The following PRKAA2 variants were observed in gnomAD, a reference collection of about 807,000 sequenced individuals.
The protein encoded by PRKAA2 is 5'-AMP-activated protein kinase catalytic subunit alpha-2.
A neutral mutation model predicts 56.3 loss-of-function variants in PRKAA2; 40 were observed. The observed-to-expected ratio is 0.71, with a 90% CI of 0.55 to 0.92. The LOEUF is 0.92. PRKAA2 is among the 40% of genes least tolerant of loss of function. The probability of loss-of-function intolerance (pLI) is 0.00; values close to 1 mark genes in which losing one functional copy is unlikely to be tolerated. For missense variants in PRKAA2, 542 were observed against 686.9 expected, an observed-to-expected ratio of 0.79 and a Z score of 2.36; for synonymous variants, 214 against 234.2, an observed-to-expected ratio of 0.91 and a Z score of 0.79.
At position 56,706,523 on chromosome 1, in the gene PRKAA2, G is replaced by A. The variant is rs188893943; in HGVS notation, c.1420+305G>A. On this transcript the variant is annotated intron_variant, in intron 8 of 8. Coordinates refer to ENST00000371244, the MANE Select transcript of PRKAA2 (RefSeq NM_006252.4). The stretch of plus-strand genomic sequence containing the variant: ...CTTTTCAAAATTAACTGACTTGTCA[G>A]ATTCTTTGTCATATTTCTCCATTCA... 1.4e-3 allele frequency among the ~76,000 whole-genome samples: 216 copies of A among 152,344 alleles called. 2 individuals are homozygous for A. The highest frequency in any genetic ancestry group is 5.0e-3 in the South Asian group (24 of 4,830).
In PRKAA2 at chr1:56,649,539, A is replaced by AAGAT. The variant is rs201264150; in HGVS notation, c.94+4077_94+4080dup. Among the ~76,000 whole-genome samples, 305 of 151,874 alleles carry AAGAT rather than the reference A, an allele frequency of 2.0e-3. 1 individual carries two copies. The highest frequency in any genetic ancestry group is 5.7e-3 in the African/African-American group (237 of 41,522). ...TTTGATTGATTGATTGATTGATAGA[A>AAGAT]AGATAGATAGATAGATAGATAGTTA... is the stretch of plus-strand genomic sequence containing the variant. On this transcript the variant is annotated intron_variant, in intron 1 of 8. Transcript: ENST00000371244.
At chr1:56,684,800 A>G (rs1463750640) in intron 2 of PRKAA2, among the ~76,000 whole-genome samples, 1 of 152,164 alleles carries the variant, frequency 6.6e-6, no homozygotes, top group Non-Finnish European at 1.5e-5. Context: ...GGGAGATAGT[A>G]ACTATAGGCA....
Position 56,663,236 on chromosome 1 carries a change from C to T in PRKAA2, c.95-11145C>T, listed in dbSNP as rs1194581389. On this transcript the variant is annotated intron_variant, in intron 1 of 8. Coordinates refer to ENST00000371244, the MANE Select transcript of PRKAA2 (RefSeq NM_006252.4). ...GAGTAGCTGAGACTGTAGGCCTGTG[C>T]CACCACACTTGGGTCATTTTAAACA... Among the ~76,000 whole-genome samples the T allele has an allele frequency of 2.0e-5, 3 of 152,178 alleles. No homozygotes were observed. The East Asian group carries it at 5.8e-4, about 29-fold the overall frequency.
At chr1:56,689,535 T>C (rs984367474) in intron 2 of PRKAA2, among the ~76,000 whole-genome samples, 5 of 151,952 alleles carry the variant, frequency 3.3e-5, no homozygotes, top group African/African-American at 1.2e-4. Flanking sequence ...CTGGCCAACA[T>C]GGTGAAACCC....
At chr1:56,678,644 T>G (rs1258256626) in intron 2 of PRKAA2, among the ~76,000 whole-genome samples, 1 of 152,184 alleles carries the variant, frequency 6.6e-6, no homozygotes, top group Non-Finnish European at 1.5e-5. Context: ...CAACTTGATT[T>G]TACTTGGTCA....
In PRKAA2 at chr1:56,661,713, AAT is replaced by A. The variant is rs1336206760; in HGVS notation, c.95-12663_95-12662del. On this transcript the variant is annotated intron_variant, in intron 1 of 8. Coordinates refer to ENST00000371244, the MANE Select transcript of PRKAA2 (RefSeq NM_006252.4). ...CCATATATATAAATATTATTTTAGA[AAT>A]ATATTTTTTTCTACTGTCACATTTC... Among the ~76,000 whole-genome samples the A allele has an allele frequency of 2.0e-5, 3 of 151,822 alleles. No homozygotes were observed. The South Asian group carries it at 6.2e-4, about 31-fold the overall frequency.
chr1:56,681,947 G>A (rs573464161), intron 2 of PRKAA2, among the ~76,000 whole-genome samples: 1 of 152,254 alleles, frequency 6.6e-6, no homozygotes, highest in East Asian at 1.9e-4. Flanking sequence ...ACCTTGGGCA[G>A]TATGGCCATT....
chr1:56,684,522 A>G (rs12409032), intron 2 of PRKAA2, among the ~76,000 whole-genome samples: 1 of 152,106 alleles, frequency 6.6e-6, no homozygotes, highest in African/African-American at 2.4e-5. Context: ...ATGAGGAGGA[A>G]CCAGTAAAAG....
intron 1 of PRKAA2, among the ~76,000 whole-genome samples, chr1:56,648,029 CAAA>C (rs77883110): frequency 9.3e-6 from 1 of 107,880 alleles, no homozygotes; most frequent in Non-Finnish European, 1.9e-5. Flanking sequence ...GACTCCATCT[CAAA>C]AAAAAAAAAA....
intron 2 of PRKAA2, among the ~76,000 whole-genome samples, chr1:56,689,537 G>A (rs948266820): frequency 6.6e-6 from 1 of 152,012 alleles, no homozygotes; most frequent in East Asian, 1.9e-4. Context: ...GGCCAACATG[G>A]TGAAACCCCC....
chr1:56,696,814 T>C (rs116753245), intron 6 of PRKAA2, among the ~76,000 whole-genome samples: 2,975 of 152,202 alleles, frequency 0.02, 112 homozygotes, highest in African/African-American at 0.068. Context: ...CTGATGCGCC[T>C]ATGAATATGA....
chr1:56,692,115 C>T (rs1288558308), intron 3 of PRKAA2, among the ~76,000 whole-genome samples: 1 of 149,636 alleles, frequency 6.7e-6, no homozygotes, highest in East Asian at 2.0e-4. Context: ...TCACTGCAAC[C>T]TCTGCCTCCT....
chr1:56,703,982 G>A lies in PRKAA2; in HGVS notation c.800G>A (p.Trp267Ter). Residue 267 changes from tryptophan (W) to a stop codon, truncating the protein, a stop_gained, in exon 7 of 9, where the codon TGG becomes TAG. Coordinates refer to ENST00000371244, the MANE Select transcript of PRKAA2 (RefSeq NM_006252.4). LOFTEE classifies it high-confidence loss of function. ...GGTGTTTTTCCTAGAGAGCATGAATGGTTTAAACAAGATTTGCCCAGTTAC... is the reference window on the plus strand; with the variant it reads ...GGTGTTTTTCCTAGAGAGCATGAATAGTTTAAACAAGATTTGCCCAGTTAC... ...ATIKDIREHEWFKQDLPSYLF... is the reference protein window; with the variant it reads ...ATIKDIREHE 6.2e-7 allele frequency: 1 copy of A among 1,605,988 alleles called. No homozygotes were observed. Among genetic ancestry groups the A allele is most frequent in the Non-Finnish European group, 8.5e-7 (1 of 1,176,238 alleles).
intron 1 of PRKAA2, among the ~76,000 whole-genome samples, chr1:56,655,328 T>A (rs1206956087): frequency 7.1e-6 from 1 of 141,434 alleles, no homozygotes; most frequent in African/African-American, 2.6e-5. Flanking sequence ...ATTGTTCAGG[T>A]AGTCTCAAAC....
At chr1:56,701,145 TTTTGAG>T (rs1644290970) in intron 6 of PRKAA2, among the ~76,000 whole-genome samples, 2 of 152,216 alleles carry the variant, frequency 1.3e-5, no homozygotes. Flanking sequence ...ATAATAGATT[TTTTGAG>T]TTTATTTTGA....
intron 6 of PRKAA2, among the ~76,000 whole-genome samples, chr1:56,702,263 A>G (rs1557563058): frequency 6.6e-6 from 1 of 152,050 alleles, no homozygotes; most frequent in African/African-American, 2.4e-5. Context: ...TTGTATTTTT[A>G]GTAGAGACGG....
At chr1:56,666,172 T>C (rs1569731213) in intron 1 of PRKAA2, among the ~76,000 whole-genome samples, 2 of 152,184 alleles carry the variant, frequency 1.3e-5, no homozygotes, top group Admixed American at 6.5e-5. Context: ...GAGTTAGTCA[T>C]GCATTTTTTT....
At chr1:56,672,336 C>T (rs540460730) in intron 1 of PRKAA2, among the ~76,000 whole-genome samples, 2 of 152,146 alleles carry the variant, frequency 1.3e-5, no homozygotes, top group South Asian at 2.1e-4. Context: ...AGGCTGGTCT[C>T]GAACTCCTGG....
chr1:56,649,945 A>G (rs1203738794), intron 1 of PRKAA2, among the ~76,000 whole-genome samples: 2 of 152,108 alleles, frequency 1.3e-5, no homozygotes, highest in African/African-American at 4.8e-5. Flanking sequence ...AAATACAAAA[A>G]TTAGCCAGCT....
Sources: gnomAD v4.1 joint callset for allele counts (sites outside exome capture counted in the v4.1 genomes callset) on GRCh38, gnomAD v4.1.1 for gene constraint, MANE v1.5 for transcripts, NCBI Gene and HGNC (gene_info 2026-07-23, HGNC 2026-07-21) for gene names.